TENM2: variants seen among roughly 807,000 people sequenced by gnomAD.
The protein encoded by TENM2 is teneurin transmembrane protein 2.
Under a neutral mutation model 245.2 loss-of-function variants are expected in TENM2, and 52 were observed. The ratio of observed to expected loss-of-function variants is 0.21; its 90% confidence interval spans 0.17 to 0.27. The LOEUF is 0.27. TENM2 is among the 10% of genes least tolerant of loss of function. TENM2 has a pLI of 1.00. For missense variants in TENM2, 3,046 were observed against 3,666.8 expected, an observed-to-expected ratio of 0.83 and a Z score of 4.37; for synonymous variants, 1,363 against 1,438.9, an observed-to-expected ratio of 0.95 and a Z score of 1.19.
chr5:167,758,519 T>TA (rs775257041), intron 2 of TENM2, among the ~76,000 whole-genome samples: 52 of 152,310 alleles, frequency 3.4e-4, no homozygotes, highest in Middle Eastern at 6.8e-3. Flanking sequence ...CATTGTGCTA[T>TA]AGCAGGCTGT....
intron 2 of TENM2, among the ~76,000 whole-genome samples, chr5:167,811,270 G>C (rs1423889804): frequency 1.3e-5 from 2 of 152,120 alleles, no homozygotes; most frequent in African/African-American, 4.8e-5. Flanking sequence ...GGTGGGGTCA[G>C]ATGGGAGGTG....
chr5:167,655,327 A>G (rs1754770899), intron 2 of TENM2, among the ~76,000 whole-genome samples: 1 of 152,190 alleles, frequency 6.6e-6, no homozygotes, highest in Non-Finnish European at 1.5e-5. Context: ...TGATTCCACT[A>G]AATTTTTGTC....
At chr5:167,151,086 T>C in the TENM2 span, among the ~76,000 whole-genome samples, 1 of 152,220 alleles carries the variant, frequency 6.6e-6, no homozygotes, top group Non-Finnish European at 1.5e-5. Flanking sequence ...ACATGTATTT[T>C]ATTAAACCTC....
At position 167,363,598 on chromosome 5, in the gene TENM2, G is replaced by A. The variant is rs186011608; in HGVS notation, c.227-11600G>A. On this transcript the variant is annotated intron_variant, in intron 1 of 28. Coordinates refer to ENST00000518659, the Ensembl canonical transcript of TENM2. The stretch of plus-strand genomic sequence containing the variant: ...TACAAAAAATTAACTGGGCATGGTG[G>A]TGGACGCCTGTAGTCCCAGCTACTC... Among the ~76,000 whole-genome samples, 4 of 151,828 alleles carry A rather than the reference G, an allele frequency of 2.6e-5. No individual in the cohort carries two copies. In the East Asian group the frequency reaches 7.8e-4, roughly 30 times the overall value.
the TENM2 span, among the ~76,000 whole-genome samples, chr5:167,146,760 C>A: frequency 1.3e-5 from 2 of 152,060 alleles, no homozygotes; most frequent in Non-Finnish European, 2.9e-5. Flanking sequence ...TAAATCCAAT[C>A]CCTCATCTCT....
intron 2 of TENM2, among the ~76,000 whole-genome samples, chr5:167,637,813 T>C (rs1779300520): frequency 6.6e-6 from 1 of 151,504 alleles, no homozygotes; most frequent in African/African-American, 2.4e-5. Context: ...GGGCCTATTG[T>C]GGGTTGGGGG....
intron 7 of TENM2, among the ~76,000 whole-genome samples, chr5:168,075,112 A>G (rs1239968493): frequency 6.6e-6 from 1 of 152,018 alleles, no homozygotes; most frequent in Non-Finnish European, 1.5e-5. Context: ...CTGAGGCCCC[A>G]AAGTCCATTG....
intron 9 of TENM2, among the ~76,000 whole-genome samples, chr5:168,115,396 G>GGAAT (rs1562177055): frequency 9.0e-6 from 1 of 110,836 alleles, no homozygotes; most frequent in East Asian, 3.2e-4. Context: ...AAGGAAGGAA[G>GGAAT]GAAGGAAGGA....
At chr5:167,498,335 C>T (rs1212410856) in intron 2 of TENM2, among the ~76,000 whole-genome samples, 1 of 152,090 alleles carries the variant, frequency 6.6e-6, no homozygotes, top group Non-Finnish European at 1.5e-5. Flanking sequence ...GATTGGAGAC[C>T]TGTCTAGTGA....
At chr5:167,405,769 A>AACACACACACAC (rs149621688) in intron 2 of TENM2, among the ~76,000 whole-genome samples, 3,663 of 145,218 alleles carry the variant, frequency 0.025, 99 homozygotes, top group East Asian at 0.11. Context: ...CACACACACA[A>AACACACACACAC]ACACACACAC....
intron 7 of TENM2, among the ~76,000 whole-genome samples, chr5:168,083,561 A>G (rs911085121): frequency 2.0e-5 from 3 of 152,130 alleles, no homozygotes; most frequent in Non-Finnish European, 2.9e-5. Flanking sequence ...AGCTCTTCCT[A>G]TTTGGCCATC....
At chr5:167,797,025 G>T (rs1173303418) in intron 2 of TENM2, among the ~76,000 whole-genome samples, 2 of 151,856 alleles carry the variant, frequency 1.3e-5, no homozygotes, top group Non-Finnish European at 2.9e-5. Context: ...TCTCCAGTTT[G>T]TTACAATCCC....
Position 168,112,225 on chromosome 5 carries a change from A to AT in TENM2, c.1814-6059dup, listed in dbSNP as rs531760647. Among the ~76,000 whole-genome samples, 38 of 151,994 alleles carry AT rather than the reference A, an allele frequency of 2.5e-4. No individual in the cohort carries two copies. In the East Asian group the frequency reaches 3.9e-3, roughly 16 times the overall value. On this transcript the variant is annotated intron_variant, in intron 9 of 28. Transcript: ENST00000518659. ...TGTTTAGGTCATTAATCTGTATGGA[A>AT]TTTTTTTTAACTTTAAGTTCAGGGG...
intron 2 of TENM2, among the ~76,000 whole-genome samples, chr5:167,735,211 T>TCTC (rs1285018029): frequency 9.9e-5 from 15 of 152,198 alleles, no homozygotes; most frequent in African/African-American, 3.6e-4. Flanking sequence ...CTATAACAAA[T>TCTC]CATTCCCACT....
At chr5:167,887,246 C>A (rs1774358852) in intron 3 of TENM2, among the ~76,000 whole-genome samples, 1 of 152,224 alleles carries the variant, frequency 6.6e-6, no homozygotes, top group South Asian at 2.1e-4. Flanking sequence ...GCATGTAAGT[C>A]ACTTGTGTCA....
At position 168,084,013 on chromosome 5, in the gene TENM2, G is replaced by GTAGTGT. The variant is rs1792229389; in HGVS notation, c.1516-6559_1516-6554dup. The stretch of plus-strand genomic sequence containing the variant: ...AGCTCCCACTTATAAGTGAGAACAT[G>GTAGTGT]TAGTGTTTGGTCTTCTGTTCCTATA... On this transcript the variant is annotated intron_variant, in intron 7 of 28. Transcript: ENST00000518659. Among the ~76,000 whole-genome samples, 11 of 152,194 alleles carry GTAGTGT rather than the reference G, an allele frequency of 7.2e-5. No individual in the cohort carries two copies. The South Asian group carries it at 2.3e-3, about 32-fold the overall frequency.
At chr5:168,262,186 C>G (rs1190742853) in exon 29 of TENM2, 2 of 1,611,892 alleles carry the variant, frequency 1.2e-6, no homozygotes, top group African/African-American at 1.3e-5. Context: ...CCACGCCCAT[C>G]ATTGGCAAAG....
chr5:168,182,442 G>A (rs1759994787), intron 13 of TENM2, among the ~76,000 whole-genome samples: 1 of 152,150 alleles, frequency 6.6e-6, no homozygotes. Context: ...GTGCATTTCA[G>A]TGCAGTCAGC....
chr5:167,169,060 G>T, the TENM2 span, among the ~76,000 whole-genome samples: 1 of 152,154 alleles, frequency 6.6e-6, no homozygotes, highest in Admixed American at 6.5e-5. Flanking sequence ...TGCCCAGCTT[G>T]ATGCCTGGGT....
Sources: gnomAD v4.1 joint callset for allele counts (sites outside exome capture counted in the v4.1 genomes callset) on GRCh38, gnomAD v4.1.1 for gene constraint, MANE v1.5 for transcripts, NCBI Gene and HGNC (gene_info 2026-07-23, HGNC 2026-07-21) for gene names.